ADAMTSL1: variants seen among roughly 807,000 people sequenced by gnomAD.
The protein encoded by ADAMTSL1 is ADAMTS-like protein 1.
In ADAMTSL1, 126 loss-of-function variants were observed where a neutral mutation model predicts 201.8. The observed-to-expected ratio is 0.62, with a 90% confidence interval of 0.54 to 0.72. The LOEUF is 0.72. Ranked by LOEUF, ADAMTSL1 falls within the 30% of genes least tolerant of loss-of-function variation. The pLI is 0.00. For synonymous variants in ADAMTSL1, 1,121 were observed against 903.4 expected, an observed-to-expected ratio of 1.24 and a Z score of -4.32; for missense variants, 2,679 against 2,277.8, an observed-to-expected ratio of 1.18 and a Z score of -3.59.
chr9:18,381,918 G>A (rs1199044868), intron 2 of ADAMTSL1, among the ~76,000 whole-genome samples: 1 of 152,052 alleles, frequency 6.6e-6, no homozygotes, highest in South Asian at 2.1e-4. Context: ...AAAGTGTAGT[G>A]GTTTTCGATG....
intron 23 of ADAMTSL1, among the ~76,000 whole-genome samples, chr9:18,853,176 G>A (rs2131378121): frequency 6.6e-6 from 1 of 152,328 alleles, no homozygotes; most frequent in Non-Finnish European, 1.5e-5. Flanking sequence ...GGATTAGACA[G>A]GCCAAGACAG....
intron 2 of ADAMTSL1, among the ~76,000 whole-genome samples, chr9:18,343,055 G>A (rs1339794410): frequency 1.3e-5 from 2 of 150,742 alleles, no homozygotes; most frequent in Non-Finnish European, 3.0e-5. Context: ...GCCAAGGTTA[G>A]TAACTCACAC....
rs1207146510 is a variant in ADAMTSL1, at chr9:18,320,669, TG to T, written c.207+156689del. On this transcript the variant is annotated intron_variant, in intron 2 of 29. Transcript: ENST00000680146. ...AAAATTCCAACATTACATTGTGAGG[TG>T]TATAAATGTATGGGAAATATATTAA... Among the ~76,000 whole-genome samples, 23 of 152,272 alleles carry T rather than the reference TG, an allele frequency of 1.5e-4. 1 individual carries two copies. In the East Asian group the frequency reaches 4.4e-3, roughly 29 times the overall value.
At chr9:18,523,392 G>T (rs967181434) in intron 2 of ADAMTSL1, among the ~76,000 whole-genome samples, 1 of 152,124 alleles carries the variant, frequency 6.6e-6, no homozygotes, top group Non-Finnish European at 1.5e-5. Flanking sequence ...TCTGTAGGTT[G>T]CCTGTTCACT....
chr9:18,520,245 G>A (rs1215578563), intron 2 of ADAMTSL1, among the ~76,000 whole-genome samples: 16 of 152,154 alleles, frequency 1.1e-4, no homozygotes, highest in Non-Finnish European at 2.1e-4. Context: ...CCATATGGTC[G>A]AGAGAAGATC....
intron 1 of ADAMTSL1, among the ~76,000 whole-genome samples, chr9:18,022,355 C>A (rs1735680703): frequency 1.3e-5 from 2 of 152,128 alleles, no homozygotes; most frequent in South Asian, 4.1e-4. Flanking sequence ...ATTGTTCTCC[C>A]TTTCCCAAGA....
intron 19 of ADAMTSL1, among the ~76,000 whole-genome samples, chr9:18,783,368 T>C (rs1412619346): frequency 1.3e-5 from 2 of 152,196 alleles, no homozygotes; most frequent in Non-Finnish European, 2.9e-5. Flanking sequence ...TGTTAGAATG[T>C]AGACTCCCAC....
chr9:18,635,535 C>G (rs1827057458), intron 5 of ADAMTSL1, among the ~76,000 whole-genome samples: 1 of 152,128 alleles, frequency 6.6e-6, no homozygotes, highest in African/African-American at 2.4e-5. Flanking sequence ...CTGTTCTACT[C>G]ATCCAAGATA....
At chr9:18,163,980 C>G (rs373229765) in exon 2 of ADAMTSL1, 1 of 151,992 alleles carries the variant, frequency 6.6e-6, no homozygotes, top group Non-Finnish European at 1.5e-5. Flanking sequence ...ACTGAAGACT[C>G]GGTACAGTGT....
intron 1 of ADAMTSL1, among the ~76,000 whole-genome samples, chr9:18,138,426 G>A (rs1420741848): frequency 6.6e-6 from 1 of 152,030 alleles, no homozygotes; most frequent in East Asian, 1.9e-4. Context: ...AGGGAGTAAC[G>A]AACTTGAGGA....
At chr9:18,289,172 T>TCTATCTACCTAC (rs1554650791) in intron 2 of ADAMTSL1, among the ~76,000 whole-genome samples, 52 of 138,194 alleles carry the variant, frequency 3.8e-4, no homozygotes, top group African/African-American at 5.3e-4. Context: ...TATCTATCTA[T>TCTATCTACCTAC]CTACCTACCT....
chr9:18,157,793 A>C (rs1022865767), intron 1 of ADAMTSL1, among the ~76,000 whole-genome samples: 1 of 151,970 alleles, frequency 6.6e-6, no homozygotes, highest in East Asian at 1.9e-4. Context: ...CACCCCCACG[A>C]TCTTCTTGGG....
intron 1 of ADAMTSL1, among the ~76,000 whole-genome samples, chr9:18,098,726 G>A (rs973301258): frequency 3.3e-5 from 5 of 152,080 alleles, no homozygotes; most frequent in African/African-American, 7.2e-5. Flanking sequence ...AGAATTCTGG[G>A]CACCTTCTTT....
intron 1 of ADAMTSL1, among the ~76,000 whole-genome samples, chr9:17,944,129 T>G (rs1454997624): frequency 6.6e-6 from 1 of 151,884 alleles, no homozygotes; most frequent in East Asian, 2.0e-4. Context: ...ATATCCAATT[T>G]ATATCAGTAT....
At chr9:18,174,724 T>C (rs776252200) in intron 2 of ADAMTSL1, among the ~76,000 whole-genome samples, 8 of 152,162 alleles carry the variant, frequency 5.3e-5, no homozygotes, top group South Asian at 2.1e-4. Flanking sequence ...CAAGACATTA[T>C]TTAAAGAATA....
intron 2 of ADAMTSL1, among the ~76,000 whole-genome samples, chr9:18,327,608 A>G (rs902279510): frequency 6.6e-6 from 1 of 152,222 alleles, no homozygotes; most frequent in African/African-American, 2.4e-5. Context: ...AGAGCGAGGC[A>G]GAGATCACCA....
At chr9:17,997,449 C>T (rs1225085329) in intron 1 of ADAMTSL1, among the ~76,000 whole-genome samples, 3 of 152,038 alleles carry the variant, frequency 2.0e-5, no homozygotes, top group African/African-American at 4.8e-5. Context: ...ACATTTGTCA[C>T]TCCTAAACAC....
At chr9:18,134,751 C>G (rs1826089033) in intron 1 of ADAMTSL1, among the ~76,000 whole-genome samples, 1 of 152,040 alleles carries the variant, frequency 6.6e-6, no homozygotes, top group South Asian at 2.1e-4. Context: ...GAAGTGAAAC[C>G]CAAGCATCTG....
intron 2 of ADAMTSL1, among the ~76,000 whole-genome samples, chr9:18,181,997 A>G (rs990974061): frequency 2.6e-5 from 4 of 152,116 alleles, no homozygotes; most frequent in African/African-American, 7.2e-5. Flanking sequence ...AGGGACATGG[A>G]TGAAATTGGA....
Sources: gnomAD v4.1 joint callset for allele counts (sites outside exome capture counted in the v4.1 genomes callset) on GRCh38, gnomAD v4.1.1 for gene constraint, MANE v1.5 for transcripts, NCBI Gene and HGNC (gene_info 2026-07-23, HGNC 2026-07-21) for gene names.